FHIT: variants seen among roughly 807,000 people sequenced by gnomAD.
The protein encoded by FHIT is bis(5'-adenosyl)-triphosphatase.
Under a neutral mutation model 17.9 loss-of-function variants are expected in FHIT, and 19 were observed. The observed-to-expected ratio is 1.06, with a 90% CI of 0.74 to 1.56. FHIT has a LOEUF of 1.56. Among genes scored for constraint, FHIT ranks in the 40% most tolerant of loss-of-function variants. The pLI, the probability that FHIT is intolerant of heterozygous loss-of-function variation, is 0.00. For synonymous variants in FHIT, 81 were observed against 69.7 expected, an observed-to-expected ratio of 1.16 and a Z score of -0.81; for missense variants, 248 against 189.2, an observed-to-expected ratio of 1.31 and a Z score of -1.82.
chr3:60,922,115 T>A (rs149270757), intron 3 of FHIT, among the ~76,000 whole-genome samples: 1 of 152,186 alleles, frequency 6.6e-6, no homozygotes, highest in East Asian at 1.9e-4. Flanking sequence ...AAAATAGAAA[T>A]AAATAAATAA....
At chr3:60,734,338 A>G (rs2042093116) in intron 4 of FHIT, among the ~76,000 whole-genome samples, 1 of 152,204 alleles carries the variant, frequency 6.6e-6, no homozygotes, top group Non-Finnish European at 1.5e-5. Flanking sequence ...CATACAATTT[A>G]TTATTCAAAA....
At chr3:60,085,000 GT>G (rs1703438097) in intron 5 of FHIT, among the ~76,000 whole-genome samples, 1 of 152,156 alleles carries the variant, frequency 6.6e-6, no homozygotes, top group Non-Finnish European at 1.5e-5. Flanking sequence ...TGTCTTTTGA[GT>G]TATATGCCAA....
intron 5 of FHIT, among the ~76,000 whole-genome samples, chr3:60,043,711 C>G (rs1332901693): frequency 6.6e-6 from 1 of 152,052 alleles, no homozygotes; most frequent in Non-Finnish European, 1.5e-5. Flanking sequence ...TTTCTCCCCC[C>G]AAAATCTATG....
chr3:59,951,614 G>A (rs1707119858), intron 7 of FHIT, among the ~76,000 whole-genome samples: 1 of 151,932 alleles, frequency 6.6e-6, no homozygotes, highest in Admixed American at 6.6e-5. Flanking sequence ...CAGGCCTTGT[G>A]CCCCCCACCC....
intron 5 of FHIT, among the ~76,000 whole-genome samples, chr3:60,132,081 C>T (rs750342549): frequency 5.3e-5 from 8 of 152,146 alleles, no homozygotes; most frequent in Non-Finnish European, 1.0e-4. Flanking sequence ...CTTCTACAGT[C>T]GGACCTTCAC....
At chr3:61,246,437 C>T (rs780571753) in intron 1 of FHIT, among the ~76,000 whole-genome samples, 3 of 152,258 alleles carry the variant, frequency 2.0e-5, no homozygotes, top group Non-Finnish European at 2.9e-5. Flanking sequence ...CATAGCTATA[C>T]ATCCATACTT....
chr3:60,742,842 A>G (rs1242094933), intron 4 of FHIT, among the ~76,000 whole-genome samples: 3 of 152,234 alleles, frequency 2.0e-5, no homozygotes, highest in African/African-American at 7.2e-5. Context: ...ATCACAACTA[A>G]TCGAAGTCCC....
chr3:60,513,997 A>G (rs1237846818), intron 5 of FHIT, among the ~76,000 whole-genome samples: 1 of 152,172 alleles, frequency 6.6e-6, no homozygotes, highest in Non-Finnish European at 1.5e-5. Flanking sequence ...GTTGGGGAGA[A>G]GTTTGGCCAG....
chr3:60,126,499 G>A (rs879530937), intron 5 of FHIT, among the ~76,000 whole-genome samples: 12 of 152,090 alleles, frequency 7.9e-5, no homozygotes, highest in Admixed American at 5.2e-4. Context: ...AACAGCTACC[G>A]TTTATTGGAC....
At chr3:60,603,773 G>A (rs188184085) in intron 4 of FHIT, among the ~76,000 whole-genome samples, 3 of 152,168 alleles carry the variant, frequency 2.0e-5, no homozygotes, top group East Asian at 1.9e-4. Flanking sequence ...TGAATGATAC[G>A]TAAGAATGAG....
At chr3:60,690,815 G>T (rs2040970042) in intron 4 of FHIT, 1 of 333,434 alleles carries the variant, frequency 3.0e-6, no homozygotes, top group Admixed American at 3.9e-5. Flanking sequence ...CCTGGGCAGT[G>T]CTTCCTAAAT....
chr3:59,886,817 C>T (rs1469109186), intron 8 of FHIT, among the ~76,000 whole-genome samples: 5 of 152,178 alleles, frequency 3.3e-5, no homozygotes, highest in African/African-American at 9.7e-5. Flanking sequence ...ATTATTTCCG[C>T]AGTCCAGTGA....
At chr3:60,821,603 A>G (rs965546367) in intron 4 of FHIT, among the ~76,000 whole-genome samples, 4 of 152,188 alleles carry the variant, frequency 2.6e-5, no homozygotes, top group Non-Finnish European at 5.9e-5. Flanking sequence ...GGGGGAGGAT[A>G]ATATAATGGC....
At chr3:60,724,957 C>G (rs73101680) in intron 4 of FHIT, among the ~76,000 whole-genome samples, 1 of 152,120 alleles carries the variant, frequency 6.6e-6, no homozygotes, top group Non-Finnish European at 1.5e-5. Context: ...ACTTATCTGT[C>G]TTTTTGCTAA....
intron 5 of FHIT, among the ~76,000 whole-genome samples, chr3:60,189,497 C>A (rs979223496): frequency 9.9e-5 from 15 of 152,090 alleles, no homozygotes; most frequent in African/African-American, 3.6e-4. Context: ...GCTACAACTC[C>A]GCCCTACCCC....
intron 5 of FHIT, among the ~76,000 whole-genome samples, chr3:60,490,507 C>A (rs1170381165): frequency 1.3e-5 from 2 of 151,702 alleles, no homozygotes; most frequent in Middle Eastern, 3.2e-3. Context: ...ATTTATTTTC[C>A]CCAATCCAAA....
At chr3:60,138,879 A>G (rs1699922521) in intron 5 of FHIT, among the ~76,000 whole-genome samples, 3 of 152,082 alleles carry the variant, frequency 2.0e-5, no homozygotes, top group Non-Finnish European at 2.9e-5. Flanking sequence ...ATGAACATGG[A>G]TCAGAAAGCT....
chr3:60,217,953 A>G (rs529291049), intron 5 of FHIT, among the ~76,000 whole-genome samples: 3 of 152,332 alleles, frequency 2.0e-5, no homozygotes, highest in Admixed American at 6.5e-5. Flanking sequence ...TAAGTCAGAC[A>G]TTAAAGAGAT....
intron 7 of FHIT, among the ~76,000 whole-genome samples, chr3:59,975,217 C>T (rs1351659126): frequency 1.3e-5 from 2 of 152,086 alleles, no homozygotes; most frequent in African/African-American, 4.8e-5. Flanking sequence ...CTTTCGCTTT[C>T]CATGAATTAG....
Sources: allele counts gnomAD v4.1 joint callset (sites outside exome capture counted in the v4.1 genomes callset), GRCh38; gene constraint gnomAD v4.1.1; transcripts MANE v1.5; gene names NCBI Gene and HGNC (gene_info 2026-07-23, HGNC 2026-07-21).